Variants in CSNK1G3 observed in about 807,000 individuals in gnomAD.
The protein encoded by CSNK1G3 is casein kinase 1 gamma 3.
A neutral mutation model predicts 64.3 loss-of-function variants in CSNK1G3; 23 were observed. That is an observed-to-expected ratio of 0.36 (90% CI 0.26 to 0.51). CSNK1G3 has a LOEUF of 0.51. Among genes scored for constraint, CSNK1G3 ranks in the 20% least tolerant of loss-of-function variants. The pLI is 0.96. For missense variants in CSNK1G3, 357 were observed against 510.5 expected, an observed-to-expected ratio of 0.70 and a Z score of 2.90; for synonymous variants, 158 against 162.2, an observed-to-expected ratio of 0.97 and a Z score of 0.20.
chr5:123,526,155 A>C (rs1287238439), intron 1 of CSNK1G3, among the ~76,000 whole-genome samples: 1 of 151,820 alleles, frequency 6.6e-6, no homozygotes, highest in African/African-American at 2.4e-5. Flanking sequence ...CTCCCATCTC[A>C]GCCCCCCACA....
intron 1 of CSNK1G3, among the ~76,000 whole-genome samples, chr5:123,532,948 C>G (rs1286442344): frequency 6.6e-6 from 1 of 151,716 alleles, no homozygotes; most frequent in African/African-American, 2.4e-5. Context: ...TTTATGAATT[C>G]TAAATAATAA....
rs1008254838 is a variant in CSNK1G3, at chr5:123,550,671, A to G, written c.179-2436A>G. On this transcript the variant is annotated intron_variant, in intron 2 of 12. Transcript: ENST00000345990. Reference sequence around the variant, plus strand: ...AATATGGCACAATGCTTTACTGGAAATGTCTTTTAAAATTGGATTAAAACA... The same window carrying G: ...AATATGGCACAATGCTTTACTGGAAGTGTCTTTTAAAATTGGATTAAAACA... Among the ~76,000 whole-genome samples, 4 of 152,214 alleles carry G rather than the reference A, an allele frequency of 2.6e-5. No individual in the cohort carries two copies. The East Asian group carries it at 5.8e-4, about 22-fold the overall frequency.
intron 6 of CSNK1G3, among the ~76,000 whole-genome samples, chr5:123,579,010 G>A (rs949946524): frequency 5.9e-5 from 9 of 151,892 alleles, no homozygotes; most frequent in African/African-American, 2.2e-4. Flanking sequence ...GAACCAATCA[G>A]TATATATCCA....
chr5:123,600,824 A>G (rs964721973), intron 10 of CSNK1G3, among the ~76,000 whole-genome samples: 3 of 151,862 alleles, frequency 2.0e-5, no homozygotes, highest in Non-Finnish European at 4.4e-5. Flanking sequence ...TAAGTTTACA[A>G]TTATGTCTCA....
intron 10 of CSNK1G3, among the ~76,000 whole-genome samples, chr5:123,599,931 GTGAAAGTTAAT>G (rs1794150395): frequency 6.6e-6 from 1 of 152,028 alleles, no homozygotes; most frequent in African/African-American, 2.4e-5. Flanking sequence ...ATTATCCTAA[GTGAAAGTTAAT>G]TGAAAATCCA....
intron 4 of CSNK1G3, among the ~76,000 whole-genome samples, chr5:123,567,168 G>A (rs1787074958): frequency 6.6e-6 from 1 of 152,198 alleles, no homozygotes; most frequent in Non-Finnish European, 1.5e-5. Context: ...TATGAGAACA[G>A]TACAGGAAAG....
chr5:123,606,070 T>C (rs1274638881), intron 12 of CSNK1G3, among the ~76,000 whole-genome samples: 1 of 152,090 alleles, frequency 6.6e-6, no homozygotes, highest in Non-Finnish European at 1.5e-5. Flanking sequence ...TTTTGAAATA[T>C]TTTACTCATA....
At chr5:123,542,996 G>A (rs1027546723) in intron 1 of CSNK1G3, among the ~76,000 whole-genome samples, 3 of 151,134 alleles carry the variant, frequency 2.0e-5, no homozygotes, top group Non-Finnish European at 2.9e-5. Context: ...TGTTAAAGTC[G>A]TATCTTCTAA....
At chr5:123,532,291 T>G (rs1780063611) in intron 1 of CSNK1G3, among the ~76,000 whole-genome samples, 1 of 151,878 alleles carries the variant, frequency 6.6e-6, no homozygotes, top group Non-Finnish European at 1.5e-5. Context: ...CTAAGATCAT[T>G]TTACTTCTCT....
At chr5:123,522,489 C>T (rs1436278531) in intron 1 of CSNK1G3, among the ~76,000 whole-genome samples, 1 of 138,958 alleles carries the variant, frequency 7.2e-6, no homozygotes, top group South Asian at 2.3e-4. Context: ...GGCAATAGAG[C>T]GAGATTCTGT....
At chr5:123,521,293 T>A (rs1778045661) in intron 1 of CSNK1G3, among the ~76,000 whole-genome samples, 1 of 152,150 alleles carries the variant, frequency 6.6e-6, no homozygotes. Flanking sequence ...GTGATGCCAG[T>A]TTTTATTTTA....
chr5:123,555,851 T>C (rs1784519081), intron 3 of CSNK1G3, among the ~76,000 whole-genome samples: 1 of 152,160 alleles, frequency 6.6e-6, no homozygotes, highest in South Asian at 2.1e-4. Flanking sequence ...TGTGATTGTG[T>C]ACATGGACAT....
intron 4 of CSNK1G3, among the ~76,000 whole-genome samples, chr5:123,557,985 G>A (rs190598241): frequency 6.6e-6 from 1 of 152,272 alleles, no homozygotes; most frequent in East Asian, 1.9e-4. Flanking sequence ...TAAGGATTTT[G>A]AGATGGAGAG....
intron 1 of CSNK1G3, among the ~76,000 whole-genome samples, chr5:123,528,309 A>G (rs1380732657): frequency 1.3e-5 from 2 of 152,062 alleles, no homozygotes; most frequent in African/African-American, 4.8e-5. Flanking sequence ...GCCTGCCCAT[A>G]ACTTTCTCTT....
intron 6 of CSNK1G3, among the ~76,000 whole-genome samples, chr5:123,583,390 C>T (rs1442452456): frequency 2.1e-5 from 3 of 141,776 alleles, no homozygotes; most frequent in Non-Finnish European, 3.0e-5. Context: ...GACTGAGTTT[C>T]GCTCTTGTTG....
chr5:123,555,152 T>C (rs1784401215), intron 3 of CSNK1G3, among the ~76,000 whole-genome samples: 1 of 152,216 alleles, frequency 6.6e-6, no homozygotes, highest in African/African-American at 2.4e-5. Context: ...TAAAGCACAA[T>C]GATCAGCATT....
At chr5:123,530,988 T>C (rs1198150745) in intron 1 of CSNK1G3, among the ~76,000 whole-genome samples, 1 of 152,152 alleles carries the variant, frequency 6.6e-6, no homozygotes, top group Admixed American at 6.5e-5. Flanking sequence ...CACAAATATC[T>C]TTACTGATTT....
intron 1 of CSNK1G3, among the ~76,000 whole-genome samples, 167 bp from the exon 2 acceptor site, chr5:123,545,250 A>G (rs112245042): frequency 9.1e-4 from 138 of 152,274 alleles, no homozygotes; most frequent in African/African-American, 3.1e-3. Flanking sequence ...TTATTAAGGT[A>G]TATAAATAAA....
chr5:123,560,227 A>C (rs1581130717), intron 4 of CSNK1G3, among the ~76,000 whole-genome samples: 1 of 152,174 alleles, frequency 6.6e-6, no homozygotes, highest in South Asian at 2.1e-4. Flanking sequence ...ACAGAAAGCA[A>C]GTGTTAGTAT....
Sources: gnomAD v4.1 joint callset for allele counts (sites outside exome capture counted in the v4.1 genomes callset) on GRCh38, gnomAD v4.1.1 for gene constraint, MANE v1.5 for transcripts, NCBI Gene and HGNC (gene_info 2026-07-23, HGNC 2026-07-21) for gene names.